UNC5D: variants seen among roughly 807,000 people sequenced by gnomAD.
The protein encoded by UNC5D is netrin receptor UNC5D.
UNC5D carries 39 observed loss-of-function variants against 105.4 expected under a neutral mutation model. The ratio of observed to expected loss-of-function variants is 0.37; its 90% CI spans 0.29 to 0.48. UNC5D has a LOEUF of 0.48. Ranked by LOEUF, UNC5D falls within the 20% of genes least tolerant of loss-of-function variation. The pLI is 0.98. For missense variants in UNC5D, 991 were observed against 1,202.4 expected (o/e 0.82, Z 2.60); for synonymous variants, 452 against 450.4 (o/e 1.00, Z -0.04).
chr8:35,537,906 C>T (rs2130605839), intron 1 of UNC5D, among the ~76,000 whole-genome samples: 1 of 152,042 alleles, frequency 6.6e-6, no homozygotes, highest in East Asian at 1.9e-4. Flanking sequence ...TCAACAAACA[C>T]ATGTAGAGTC....
intron 4 of UNC5D, among the ~76,000 whole-genome samples, chr8:35,609,804 A>C (rs1182508439): frequency 6.6e-6 from 1 of 152,084 alleles, no homozygotes; most frequent in Admixed American, 6.5e-5. Flanking sequence ...TGTGGGGCTC[A>C]TGGGGTCACC....
At chr8:35,473,073 A>G (rs1809850849) in intron 1 of UNC5D, among the ~76,000 whole-genome samples, 1 of 152,200 alleles carries the variant, frequency 6.6e-6, no homozygotes, top group South Asian at 2.1e-4. Context: ...GTTTCTTTAA[A>G]TGTGATTACA....
intron 1 of UNC5D, among the ~76,000 whole-genome samples, chr8:35,443,910 TATAAG>T (rs1477274965): frequency 6.6e-6 from 1 of 151,966 alleles, no homozygotes; most frequent in African/African-American, 2.4e-5. Context: ...TCTTAAAAGA[TATAAG>T]AAAGGGTCAC....
In UNC5D at chr8:35,717,361, G is replaced by A. The variant is rs75607140; in HGVS notation, c.1118-4849G>A. On this transcript the variant is annotated intron_variant, in intron 8 of 16. Coordinates refer to ENST00000404895, the MANE Select transcript of UNC5D (RefSeq NM_080872.4). ...GGCTGGCATTAGTACATCTTTTAGA[G>A]GGGAGTTATGTAAAGAAAAGGAGGA... 7.0e-3 allele frequency among the ~76,000 whole-genome samples: 1,060 copies of A among 152,200 alleles called. 43 individuals carry two copies. In the East Asian group the frequency reaches 0.12, roughly 17 times the overall value.
chr8:35,407,521 G>GTATA (rs1485600932), intron 1 of UNC5D, among the ~76,000 whole-genome samples: 1 of 151,964 alleles, frequency 6.6e-6, no homozygotes, highest in African/African-American at 2.4e-5. Context: ...ATGTATGTAT[G>GTATA]TATGTATGTA....
intron 1 of UNC5D, among the ~76,000 whole-genome samples, chr8:35,374,676 T>C (rs1399867528): frequency 6.6e-6 from 1 of 152,230 alleles, no homozygotes; most frequent in East Asian, 1.9e-4. Context: ...TCTTTAATCT[T>C]CCTCTGCCTT....
chr8:35,459,463 A>G (rs1808736530), intron 1 of UNC5D, among the ~76,000 whole-genome samples: 1 of 152,182 alleles, frequency 6.6e-6, no homozygotes, highest in Non-Finnish European at 1.5e-5. Flanking sequence ...TAATCCTGGA[A>G]TTGGTGTTGA....
chr8:35,330,160 G>A (rs1810500330), intron 1 of UNC5D, among the ~76,000 whole-genome samples: 1 of 152,178 alleles, frequency 6.6e-6, no homozygotes, highest in African/African-American at 2.4e-5. Flanking sequence ...TAATTTCTCT[G>A]ACTCCAGATT....
chr8:35,440,171 G>A (rs995862901), intron 1 of UNC5D, among the ~76,000 whole-genome samples: 1 of 151,908 alleles, frequency 6.6e-6, no homozygotes, highest in Admixed American at 6.6e-5. Flanking sequence ...TCCATTCTTT[G>A]TTGTGGAGAA....
rs911562161 is a variant in UNC5D at position 35,235,903 on chromosome 8, A to T, written c.103+16A>T. 9.2e-6 allele frequency: 11 copies of T among 1,199,810 alleles called. No individual in the cohort carries two copies. The South Asian group carries it at 4.4e-4, about 48-fold the overall frequency. 74.3% of individuals were successfully genotyped at this position (1,199,810 alleles called of 1,614,324 possible). ...GCTGCCCGAGGTAAGCGCTGGGCGG[A>T]GCGGGCAGCTGGGGGCGAGGGCGCA... is the stretch of plus-strand genomic sequence containing the variant. On this transcript the variant is annotated intron_variant, in intron 1 of 16. Transcript: ENST00000404895.
chr8:35,359,512 A>G (rs141891453), intron 1 of UNC5D, among the ~76,000 whole-genome samples: 27 of 152,190 alleles, frequency 1.8e-4, no homozygotes, highest in Non-Finnish European at 3.7e-4. Context: ...GTGAACACCA[A>G]TGTTCTTTGA....
intron 1 of UNC5D, among the ~76,000 whole-genome samples, chr8:35,278,534 C>T (rs1805928948): frequency 6.6e-6 from 1 of 151,888 alleles, no homozygotes; most frequent in Non-Finnish European, 1.5e-5. Flanking sequence ...TGTACATTAC[C>T]TAGAGAACCA....
chr8:35,423,164 A>G (rs560758880), intron 1 of UNC5D, among the ~76,000 whole-genome samples: 3 of 152,370 alleles, frequency 2.0e-5, no homozygotes, highest in African/African-American at 4.8e-5. Flanking sequence ...AACAGGTCTT[A>G]TAGTTCAGTT....
At chr8:35,562,174 A>G (rs752586126) in intron 2 of UNC5D, among the ~76,000 whole-genome samples, 5 of 152,170 alleles carry the variant, frequency 3.3e-5, no homozygotes, top group Non-Finnish European at 4.4e-5. Context: ...CTCCAGTTTC[A>G]TTCATGTTGC....
chr8:35,239,747 T>C (rs370420665), intron 1 of UNC5D, among the ~76,000 whole-genome samples: 2 of 152,048 alleles, frequency 1.3e-5, no homozygotes, highest in African/African-American at 4.8e-5. Context: ...TTGTCTTCTC[T>C]TCCTTCCTCC....
At chr8:35,482,246 T>C (rs557307875) in intron 1 of UNC5D, among the ~76,000 whole-genome samples, 24 of 152,292 alleles carry the variant, frequency 1.6e-4, no homozygotes, top group Admixed American at 1.5e-3. Context: ...GATTTGTCCT[T>C]TTTCCTCCTG....
chr8:35,743,060 C>A (rs1020394191), intron 11 of UNC5D, among the ~76,000 whole-genome samples: 21 of 151,996 alleles, frequency 1.4e-4, no homozygotes, highest in African/African-American at 5.1e-4. Flanking sequence ...CACACATCAC[C>A]CAAGCGGTGT....
rs1377381903 is a variant in UNC5D, at chr8:35,792,445, T to C, written c.*1882T>C. 1 of 153,008 alleles carries C rather than the reference T, an allele frequency of 6.5e-6. No individual in the cohort carries two copies. The highest frequency in any genetic ancestry group is 1.5e-5 in the Non-Finnish European group (1 of 68,724). 9.5% of individuals were successfully genotyped at this position (153,008 alleles called of 1,614,324 possible). ...ATGATGTAGGACAAAGAAATCATCT[T>C]AGAACTGTCAAGCATATTTTCACAA... On this transcript the variant is annotated 3_prime_UTR_variant, in exon 17 of 17. Coordinates refer to ENST00000404895, the MANE Select transcript of UNC5D (RefSeq NM_080872.4).
intron 2 of UNC5D, among the ~76,000 whole-genome samples, chr8:35,556,540 A>C (rs1051429815): frequency 1.3e-5 from 2 of 152,206 alleles, no homozygotes; most frequent in Non-Finnish European, 2.9e-5. Flanking sequence ...AAGTGCTGAA[A>C]GTACAGCTAC....
Sources: allele counts gnomAD v4.1 joint callset (sites outside exome capture counted in the v4.1 genomes callset), GRCh38; gene constraint gnomAD v4.1.1; transcripts MANE v1.5; gene names NCBI Gene and HGNC (gene_info 2026-07-23, HGNC 2026-07-21).